ALK: variants seen among roughly 807,000 people sequenced by gnomAD.
ALK encodes ALK tyrosine kinase receptor.
In ALK, 74 loss-of-function variants were observed where a neutral mutation model predicts 163.1. The ratio of observed to expected loss-of-function variants is 0.45; its 90% confidence interval spans 0.38 to 0.55. The LOEUF (loss-of-function observed/expected upper bound fraction) is 0.55. Ranked by LOEUF, ALK falls within the 20% of genes least tolerant of loss-of-function variation. ALK has a pLI of 0.00. For synonymous variants in ALK, 960 were observed against 843.2 expected, an observed-to-expected ratio of 1.14 and a Z score of -2.40; for missense variants, 2,063 against 2,105.3, an observed-to-expected ratio of 0.98 and a Z score of 0.39.
At chr2:29,433,032 T>C (rs1374806771) in intron 4 of ALK, among the ~76,000 whole-genome samples, 1 of 152,202 alleles carries the variant, frequency 6.6e-6, no homozygotes, top group African/African-American at 2.4e-5. Flanking sequence ...TTTCACACAA[T>C]TAACAAAAAA....
chr2:29,497,892 A>G (rs2148129640), intron 4 of ALK, among the ~76,000 whole-genome samples: 1 of 152,314 alleles, frequency 6.6e-6, no homozygotes, highest in Non-Finnish European at 1.5e-5. Flanking sequence ...GTAAATTTAA[A>G]TTCTTTTCTT....
chr2:29,683,893 T>C (rs1678156215), intron 3 of ALK, among the ~76,000 whole-genome samples: 1 of 152,178 alleles, frequency 6.6e-6, no homozygotes, highest in Non-Finnish European at 1.5e-5. Flanking sequence ...GAATGGTCTC[T>C]TGTGCATTAT....
intron 1 of ALK, among the ~76,000 whole-genome samples, chr2:29,908,058 C>T (rs908689370): frequency 1.3e-5 from 2 of 152,064 alleles, no homozygotes; most frequent in African/African-American, 4.8e-5. Context: ...CACTAGCCCT[C>T]TCTACATCCA....
chr2:29,245,023 G>A lies in ALK; in HGVS notation c.2205-5193C>T, dbSNP rs147891313. ...AGTGTTATGGCTCAGTGCCTGACAC[G>A]TGGTAGGACTCCATGGGACAGTGCC... On this transcript the variant is annotated intron_variant, in intron 12 of 28. Transcript: ENST00000389048. 4.8e-3 allele frequency among the ~76,000 whole-genome samples: 719 copies of A among 149,610 alleles called. 3 individuals carry two copies. The highest frequency in any genetic ancestry group is 0.016 in the African/African-American group (656 of 40,636).
intron 9 of ALK, among the ~76,000 whole-genome samples, chr2:29,282,843 G>C (rs1665750434): frequency 6.6e-6 from 1 of 151,972 alleles, no homozygotes; most frequent in South Asian, 2.1e-4. Context: ...ACTTTCGGGG[G>C]CTCAGCCTAA....
At chr2:29,198,090 T>G (rs1669069223) in intron 26 of ALK, among the ~76,000 whole-genome samples, 1 of 152,230 alleles carries the variant, frequency 6.6e-6, no homozygotes, top group Non-Finnish European at 1.5e-5. Flanking sequence ...CCACATTGTT[T>G]TCAGTTTTCA....
intron 3 of ALK, among the ~76,000 whole-genome samples, chr2:29,583,180 AAACCCAGCACTCTT>A (rs1218527734): frequency 9.2e-5 from 14 of 151,716 alleles, no homozygotes; most frequent in Non-Finnish European, 1.2e-4. Context: ...TGCCCAGCCC[AAACCCAGCACTCTT>A]AATCCAGAGA....
At chr2:29,567,742 G>T (rs963562883) in intron 3 of ALK, among the ~76,000 whole-genome samples, 9 of 152,142 alleles carry the variant, frequency 5.9e-5, no homozygotes, top group Non-Finnish European at 1.3e-4. Context: ...GGACAGTTCA[G>T]GTAAAATGTA....
intron 3 of ALK, among the ~76,000 whole-genome samples, chr2:29,551,583 AG>A (rs917404841): frequency 3.3e-5 from 5 of 152,164 alleles, no homozygotes; most frequent in African/African-American, 1.2e-4. Flanking sequence ...GTTTTTCTCC[AG>A]GACTTACATC....
At chr2:29,737,403 G>A (rs530415833) in intron 1 of ALK, among the ~76,000 whole-genome samples, 9 of 152,130 alleles carry the variant, frequency 5.9e-5, no homozygotes, top group African/African-American at 1.9e-4. Context: ...AACTGCAGTT[G>A]GTGCTGATTT....
chr2:29,912,367 A>C (rs1667728213), intron 1 of ALK, among the ~76,000 whole-genome samples: 1 of 152,182 alleles, frequency 6.6e-6, no homozygotes, highest in African/African-American at 2.4e-5. Flanking sequence ...AAGGAACAAC[A>C]ATGTAATGGC....
intron 5 of ALK, among the ~76,000 whole-genome samples, chr2:29,340,556 C>T (rs886630339): frequency 4.6e-5 from 7 of 152,154 alleles, no homozygotes; most frequent in African/African-American, 9.7e-5. Context: ...AGATAGCCAC[C>T]GGGTGCTGAT....
chr2:29,908,436 G>A (rs1667608928), intron 1 of ALK, among the ~76,000 whole-genome samples: 2 of 151,908 alleles, frequency 1.3e-5, no homozygotes, highest in Admixed American at 1.3e-4. Context: ...AAGATCCTTT[G>A]TCCTTCTCTT....
intron 11 of ALK, among the ~76,000 whole-genome samples, chr2:29,260,543 A>T (rs1665060444): frequency 6.6e-6 from 1 of 152,200 alleles, no homozygotes; most frequent in Non-Finnish European, 1.5e-5. Context: ...GTGTTCAAAA[A>T]TATGGCAGTT....
intron 3 of ALK, among the ~76,000 whole-genome samples, chr2:29,573,758 A>G (rs982376379): frequency 7.9e-5 from 12 of 152,238 alleles, no homozygotes; most frequent in African/African-American, 2.7e-4. Flanking sequence ...GTGGGAATAG[A>G]ACAACAAACA....
intron 11 of ALK, among the ~76,000 whole-genome samples, chr2:29,273,025 C>G (rs1466087514): frequency 6.6e-6 from 1 of 152,226 alleles, no homozygotes; most frequent in Non-Finnish European, 1.5e-5. Flanking sequence ...GGCTATGGGA[C>G]CACGCTCTAT....
intron 1 of ALK, among the ~76,000 whole-genome samples, chr2:29,818,855 A>G (rs779216555): frequency 6.6e-6 from 1 of 152,234 alleles, no homozygotes; most frequent in African/African-American, 2.4e-5. Flanking sequence ...ATCACCTGGG[A>G]TGCTTTTAAA....
intron 3 of ALK, among the ~76,000 whole-genome samples, chr2:29,556,715 A>C (rs1421159328): frequency 6.6e-6 from 1 of 152,162 alleles, no homozygotes; most frequent in East Asian, 1.9e-4. Context: ...TGGAAGTGAC[A>C]TTTAGCTTAG....
chr2:29,416,247 T>C (rs542075601), intron 4 of ALK, among the ~76,000 whole-genome samples: 5 of 152,324 alleles, frequency 3.3e-5, no homozygotes, highest in African/African-American at 9.6e-5. Context: ...CACAGAGACA[T>C]CTCTCTGGGT....
Sources: allele counts gnomAD v4.1 joint callset (sites outside exome capture counted in the v4.1 genomes callset), GRCh38; gene constraint gnomAD v4.1.1; transcripts MANE v1.5; gene names NCBI Gene and HGNC (gene_info 2026-07-23, HGNC 2026-07-21).